CYTH4: variants seen among roughly 807,000 people sequenced by gnomAD.
The protein encoded by CYTH4 is cytohesin-4.
CYTH4 carries 22 observed loss-of-function variants against 57.5 expected under a neutral mutation model. That is an observed-to-expected ratio of 0.38 (90% CI 0.27 to 0.55). CYTH4 has a LOEUF of 0.55. Among genes scored for constraint, CYTH4 ranks in the 20% least tolerant of loss-of-function variants. The pLI, the probability that CYTH4 is intolerant of heterozygous loss-of-function variation, is 0.74. For synonymous variants in CYTH4, 186 were observed against 206.5 expected (o/e 0.90, Z 0.85); for missense variants, 420 against 535.6 (o/e 0.78, Z 2.13).
intron 6 of CYTH4, chr22:37,300,177 G>T (rs1340053570): frequency 2.8e-6 from 2 of 717,496 alleles, no homozygotes; most frequent in Admixed American, 4.0e-5. Flanking sequence ...CATCTGATCT[G>T]GGCTTTGGAG....
chr22:37,311,529 T>G lies in CYTH4; in HGVS notation c.957+2T>G, dbSNP rs1859413812. 6.2e-7 allele frequency: 1 copy of G among 1,613,616 alleles called. No individual in the cohort carries two copies. The highest frequency in any genetic ancestry group is 1.3e-5 in the African/African-American group (1 of 74,890). On this transcript the variant is annotated splice_donor_variant, in intron 11 of 12. Coordinates refer to ENST00000248901, the MANE Select transcript of CYTH4 (RefSeq NM_013385.5). LOFTEE classifies it high-confidence loss of function. This position sits in a 1 kb window ranked among gnomAD's most constrained non-coding sequence, Gnocchi z 4.4. ...AAGGTGGATGACCCCAAGAAGCCAG[T>G]AGGTGTTCAGGTTGCAGGATCCCGA...
intron 1 of CYTH4, among the ~76,000 whole-genome samples, chr22:37,282,935 A>AGGCCTCCCCCTTGGGGAGAC (rs1928417444): frequency 6.6e-6 from 1 of 152,220 alleles, no homozygotes; most frequent in African/African-American, 2.4e-5. Context: ...AAAAGGCCCC[A>AGGCCTCCCCCTTGGGGAGAC]AGAGGAGATG....
rs926859919 is a variant in CYTH4 at position 37,299,095 on chromosome 22, C to G, written c.354-131C>G. ...TATGGGTGGGACAGATGTGAACACACCAGATGGCAGCTGGACCCCAGAAGG... is the reference window on the plus strand; with the variant it reads ...TATGGGTGGGACAGATGTGAACACAGCAGATGGCAGCTGGACCCCAGAAGG... On this transcript the variant is annotated intron_variant, in intron 5 of 12. Coordinates refer to ENST00000248901, the MANE Select transcript of CYTH4 (RefSeq NM_013385.5). 5.8e-6 allele frequency: 4 copies of G among 690,292 alleles called. No individual in the cohort carries two copies. The African/African-American group carries it at 7.0e-5, about 12-fold the overall frequency. 42.8% of individuals were successfully genotyped at this position (690,292 alleles called of 1,614,324 possible). A position where few individuals can be genotyped will look rare whatever the true frequency, so the allele number is the denominator to read the frequency against.
intron 4 of CYTH4, 141 bp downstream of exon 4, chr22:37,296,206 C>T: frequency 1.1e-6 from 1 of 904,640 alleles, no homozygotes. Context: ...GCATCTTGTC[C>T]AGTGCCCCAT....
Position 37,294,642 on chromosome 22 carries a change from G to A in CYTH4, c.103-18G>A. ...CTCCACCCCTGACTCTCCCTGTCCT[G>A]CCCCTGCCACCCCACAGAAGCTGAA... On this transcript the variant is annotated intron_variant, in intron 2 of 12. Transcript: ENST00000248901. The A allele has an allele frequency of 6.2e-7, 1 of 1,613,502 alleles. No individual in the cohort carries two copies. The highest frequency in any genetic ancestry group is 1.1e-5 in the South Asian group (1 of 91,062).
At position 37,298,690 on chromosome 22, in the gene CYTH4, G is replaced by C. The variant is rs191336539; in HGVS notation, c.354-536G>C. Among the ~76,000 whole-genome samples, 1,901 of 152,252 alleles carry C rather than the reference G, an allele frequency of 0.012. 24 individuals carry two copies. Among genetic ancestry groups the C allele is most frequent in the Non-Finnish European group, 0.017 (1,177 of 68,024 alleles). On this transcript the variant is annotated intron_variant, in intron 5 of 12. Coordinates refer to ENST00000248901, the MANE Select transcript of CYTH4 (RefSeq NM_013385.5). The surrounding 1 kb of genome is among the most constrained non-coding windows in gnomAD (Gnocchi z 4.1). ...TCTGGGCAAAGGACTGGTCTGAGGG[G>C]TGGGCGAGTGGATAGGGGTGAAGCT...
chr22:37,291,937 C>A (rs554928663), intron 1 of CYTH4, among the ~76,000 whole-genome samples: 1 of 152,294 alleles, frequency 6.6e-6, no homozygotes, highest in African/African-American at 2.4e-5. Context: ...GCTCAGTGAC[C>A]TTTTCCCTGT....
At chr22:37,308,758 ATG>A (rs1205892167) in intron 8 of CYTH4, among the ~76,000 whole-genome samples, 2 of 148,978 alleles carry the variant, frequency 1.3e-5, no homozygotes, top group African/African-American at 2.5e-5. Context: ...GTGTGCATGT[ATG>A]TGTGAGCGTG....
At chr22:37,285,824 G>C (rs945007562) in intron 1 of CYTH4, among the ~76,000 whole-genome samples, 3 of 152,192 alleles carry the variant, frequency 2.0e-5, no homozygotes, top group Non-Finnish European at 2.9e-5. Flanking sequence ...GGGTCAGTAG[G>C]CTCCGTGTGC....
intron 12 of CYTH4, among the ~76,000 whole-genome samples, chr22:37,312,884 G>A (rs776871064): frequency 7.9e-5 from 12 of 152,278 alleles, no homozygotes; most frequent in Non-Finnish European, 1.2e-4. Flanking sequence ...TGGCAAGGGT[G>A]AGGCCTGGTG....
In CYTH4 at chr22:37,311,223, A is replaced by G. The variant is rs1307905375; in HGVS notation, c.885+159A>G. On this transcript the variant is annotated intron_variant, in intron 10 of 12. Coordinates refer to ENST00000248901, the MANE Select transcript of CYTH4 (RefSeq NM_013385.5). The surrounding 1 kb of genome is among the most constrained non-coding windows in gnomAD (Gnocchi z 4.4). Reference sequence around the variant, plus strand: ...TTACAGATGGGGAAAACGGGTACACAGAGGAGGGCCGGGCCAAGGTCCTAG... The same window carrying G: ...TTACAGATGGGGAAAACGGGTACACGGAGGAGGGCCGGGCCAAGGTCCTAG... Among the ~76,000 whole-genome samples the G allele has an allele frequency of 6.6e-6, 1 of 152,214 alleles. No individual in the cohort carries two copies. The highest frequency in any genetic ancestry group is 1.9e-4 in the East Asian group (1 of 5,178).
chr22:37,296,110 A>G, intron 4 of CYTH4, 45 bp downstream of exon 4: 2 of 1,579,098 alleles, frequency 1.3e-6, no homozygotes, highest in Non-Finnish European at 1.7e-6. Context: ...TGGGGGCTGC[A>G]TGGGAGCACC....
chr22:37,292,454 C>A, intron 1 of CYTH4, 167 bp from the exon 2 acceptor site: 1 of 615,802 alleles, frequency 1.6e-6, no homozygotes, highest in Non-Finnish European at 2.9e-6. Context: ...GAGGAGGGAG[C>A]AGGGGCTGCT....
intron 1 of CYTH4, among the ~76,000 whole-genome samples, chr22:37,290,903 T>C (rs1362297022): frequency 1.3e-5 from 2 of 152,158 alleles, no homozygotes; most frequent in Non-Finnish European, 2.9e-5. Flanking sequence ...GGGGAGGGAT[T>C]CAGCTGTGAG....
In CYTH4 at chr22:37,297,466, G is replaced by A. The variant is rs1020901152; in HGVS notation, c.235-98G>A. ...GACTGTGCCAACACCAGAATGCCAG[G>A]CTCCAGGATTCTGGCCATGGAAGCT... is the stretch of plus-strand genomic sequence containing the variant. On this transcript the variant is annotated intron_variant, in intron 4 of 12. Transcript: ENST00000248901. The A allele has an allele frequency of 8.1e-5, 85 of 1,046,876 alleles. 6 individuals are homozygous for A. In the South Asian group the frequency reaches 1.1e-3, roughly 13 times the overall value. 64.8% of individuals were successfully genotyped at this position (1,046,876 alleles called of 1,614,324 possible).
intron 2 of CYTH4, among the ~76,000 whole-genome samples, chr22:37,293,366 C>T (rs532024549): frequency 6.7e-4 from 101 of 151,008 alleles, no homozygotes; most frequent in Admixed American, 1.1e-3. Flanking sequence ...TGGTGTTCTG[C>T]ATAGTCATTC....
intron 1 of CYTH4, among the ~76,000 whole-genome samples, chr22:37,289,125 G>A (rs944314367): frequency 6.6e-6 from 1 of 152,182 alleles, no homozygotes; most frequent in African/African-American, 2.4e-5. Flanking sequence ...GTCTTCTGGA[G>A]AAAAGATGGG....
chr22:37,309,749 G>C (rs1376834163), intron 9 of CYTH4, among the ~76,000 whole-genome samples: 1 of 152,232 alleles, frequency 6.6e-6, no homozygotes. Flanking sequence ...AGGCCACACA[G>C]CCAGCCAGGG....
intron 1 of CYTH4, among the ~76,000 whole-genome samples, chr22:37,285,210 T>C (rs1230426614): frequency 1.3e-5 from 2 of 151,700 alleles, no homozygotes; most frequent in African/African-American, 2.4e-5. Context: ...AAAGAGGAAG[T>C]GGGGAGGAGC....
Sources: allele counts gnomAD v4.1 joint callset (sites outside exome capture counted in the v4.1 genomes callset), GRCh38; gene constraint gnomAD v4.1.1; non-coding constraint Gnocchi (gnomAD v3.1); transcripts MANE v1.5; gene names NCBI Gene and HGNC (gene_info 2026-07-23, HGNC 2026-07-21).